The following CCDC112 variants were observed in gnomAD, a reference collection of about 807,000 sequenced individuals.
The protein encoded by CCDC112 is coiled-coil domain-containing protein 112.
In CCDC112, 40 loss-of-function variants were observed where a neutral mutation model predicts 66.3. The ratio of observed to expected loss-of-function variants is 0.60; its 90% CI spans 0.47 to 0.79. The LOEUF is 0.79. CCDC112 is among the 30% of genes least tolerant of loss of function. The probability of loss-of-function intolerance (pLI) is 0.00; values close to 1 mark genes in which losing one functional copy is unlikely to be tolerated. For missense variants in CCDC112, 659 were observed against 603.8 expected, an observed-to-expected ratio of 1.09 and a Z score of -0.96; for synonymous variants, 214 against 197.2, an observed-to-expected ratio of 1.09 and a Z score of -0.71.
chr5:115,294,030 T>C (rs922243860), intron 1 of CCDC112, among the ~76,000 whole-genome samples: 5 of 152,176 alleles, frequency 3.3e-5, no homozygotes, highest in African/African-American at 4.8e-5. Flanking sequence ...TCTTCAGTTT[T>C]GAAAGGCAAT....
chr5:115,267,641 AT>A lies in CCDC112; in HGVS notation c.*234del, dbSNP rs1437182502. The A allele has an allele frequency of 1.2e-5, 5 of 432,474 alleles. No individual in the cohort carries two copies. Among genetic ancestry groups the A allele is most frequent in the African/African-American group, 2.1e-5 (1 of 48,574 alleles). 26.8% of individuals were successfully genotyped at this position (432,474 alleles called of 1,614,324 possible). On this transcript the variant is annotated 3_prime_UTR_variant, in exon 10 of 10. Coordinates refer to ENST00000379611, the MANE Select transcript of CCDC112 (RefSeq NM_001040440.3). Reference sequence around the variant, plus strand: ...TGAATAATGTTTCTAACATTAACTTATTTAAATAACTTTTACATCAATAATA... The same window carrying A: ...TGAATAATGTTTCTAACATTAACTTATTAAATAACTTTTACATCAATAATA...
chr5:115,280,858 T>C (rs911552191), intron 2 of CCDC112, among the ~76,000 whole-genome samples: 1 of 152,052 alleles, frequency 6.6e-6, no homozygotes, highest in Non-Finnish European at 1.5e-5. Context: ...ATTTTCTTAA[T>C]GTGTTTCTTT....
At chr5:115,279,256 C>G (rs974517383) in intron 3 of CCDC112, among the ~76,000 whole-genome samples, 1 of 152,132 alleles carries the variant, frequency 6.6e-6, no homozygotes, top group Non-Finnish European at 1.5e-5. Context: ...TCTGTTGATG[C>G]TTACTGAGTC....
chr5:115,280,073 T>A (rs1749386546), intron 2 of CCDC112, among the ~76,000 whole-genome samples: 1 of 152,210 alleles, frequency 6.6e-6, no homozygotes, highest in Non-Finnish European at 1.5e-5. Context: ...TGATTCCAAC[T>A]CAATCTCACT....
chr5:115,268,331 C>T (rs566226799), intron 9 of CCDC112, among the ~76,000 whole-genome samples: 26 of 152,214 alleles, frequency 1.7e-4, no homozygotes, highest in South Asian at 1.0e-3. Context: ...CCAGGTGGCA[C>T]GATCTCGGCT....
intron 4 of CCDC112, among the ~76,000 whole-genome samples, chr5:115,276,558 A>G (rs1316547496): frequency 6.6e-6 from 1 of 152,152 alleles, no homozygotes; most frequent in Non-Finnish European, 1.5e-5. Context: ...CTCAAAGACA[A>G]TTATTTCAAA....
chr5:115,280,669 C>T (rs1353437330), intron 2 of CCDC112, among the ~76,000 whole-genome samples: 1 of 151,842 alleles, frequency 6.6e-6, no homozygotes, highest in East Asian at 1.9e-4. Flanking sequence ...CCTCCAACCT[C>T]AGTCTCCTGA....
intron 8 of CCDC112, chr5:115,269,473 A>G: frequency 2.1e-6 from 1 of 476,492 alleles, no homozygotes; most frequent in Non-Finnish European, 3.7e-6. Context: ...TAGGGGGAAC[A>G]ATAATTCAGA....
At chr5:115,290,913 T>TA (rs1378978756) in intron 1 of CCDC112, among the ~76,000 whole-genome samples, 4 of 152,132 alleles carry the variant, frequency 2.6e-5, no homozygotes, top group Non-Finnish European at 5.9e-5. Context: ...GAATTTTTAA[T>TA]ATATATTAGG....
intron 6 of CCDC112, 129 bp downstream of exon 6, chr5:115,275,087 T>C: frequency 2.8e-6 from 2 of 720,668 alleles, no homozygotes; most frequent in South Asian, 2.2e-5. Flanking sequence ...TTCTATTAGA[T>C]TGTCGGGGGC....
intron 9 of CCDC112, among the ~76,000 whole-genome samples, chr5:115,268,513 C>T (rs1361248508): frequency 1.3e-5 from 2 of 151,732 alleles, no homozygotes; most frequent in Non-Finnish European, 2.9e-5. Flanking sequence ...CTTCGTGATC[C>T]GTCCTCCTTG....
At chr5:115,274,622 C>T (rs897072319) in intron 6 of CCDC112, among the ~76,000 whole-genome samples, 4 of 152,094 alleles carry the variant, frequency 2.6e-5, no homozygotes, top group East Asian at 1.9e-4. Flanking sequence ...GAAGTGGATA[C>T]GGAGGACTGG....
rs764208831 is a variant in CCDC112 at position 115,269,728 on chromosome 5, C to CT, written c.1402dup (p.Arg468LysfsTer11). On this transcript the variant is annotated frameshift_variant, in exon 8 of 10. Coordinates refer to ENST00000379611, the MANE Select transcript of CCDC112 (RefSeq NM_001040440.3). LOFTEE classifies it high-confidence loss of function. Reference sequence around the variant, plus strand: ...CTTTTCTTTTAATTTTGCCAGTCTTCTTTGTTTTTGTGACTTTTCATCTTC... The same window carrying CT: ...CTTTTCTTTTAATTTTGCCAGTCTTCTTTTGTTTTTGTGACTTTTCATCTTC... The CT allele has an allele frequency of 1.9e-6, 3 of 1,599,436 alleles. No homozygotes were observed. The African/African-American group carries it at 4.1e-5, about 22-fold the overall frequency.
chr5:115,293,340 ATAAG>A, intron 1 of CCDC112, among the ~76,000 whole-genome samples: 1 of 152,348 alleles, frequency 6.6e-6, no homozygotes, highest in South Asian at 2.1e-4. Context: ...CCAGAAAAAA[ATAAG>A]TGAGGTGATA....
At chr5:115,288,372 A>C (rs1280292792) in intron 1 of CCDC112, among the ~76,000 whole-genome samples, 4 of 152,236 alleles carry the variant, frequency 2.6e-5, no homozygotes, top group Admixed American at 2.6e-4. Context: ...CAGTATCTTC[A>C]CATGTTGATA....
At chr5:115,292,938 A>G (rs1326792064) in intron 1 of CCDC112, among the ~76,000 whole-genome samples, 2 of 152,208 alleles carry the variant, frequency 1.3e-5, no homozygotes, top group African/African-American at 4.8e-5. Context: ...GAGGACTGAG[A>G]GCTTCTTAGG....
At chr5:115,283,626 G>C (rs2127066395) in intron 2 of CCDC112, among the ~76,000 whole-genome samples, 1 of 152,148 alleles carries the variant, frequency 6.6e-6, no homozygotes, top group South Asian at 2.1e-4. Flanking sequence ...CTCAATAAAA[G>C]TGGGGGAAAA....
At chr5:115,293,866 G>A (rs536949146) in intron 1 of CCDC112, among the ~76,000 whole-genome samples, 2 of 152,226 alleles carry the variant, frequency 1.3e-5, no homozygotes, top group East Asian at 3.9e-4. Flanking sequence ...CAAAACAGAA[G>A]ACAGAGCCTT....
chr5:115,280,670 AG>A (rs766900548), intron 2 of CCDC112, among the ~76,000 whole-genome samples: 3 of 151,354 alleles, frequency 2.0e-5, no homozygotes, highest in Admixed American at 6.6e-5. Flanking sequence ...CTCCAACCTC[AG>A]TCTCCTGAGT....
Sources: gnomAD v4.1 joint callset for allele counts (sites outside exome capture counted in the v4.1 genomes callset) on GRCh38, gnomAD v4.1.1 for gene constraint, MANE v1.5 for transcripts, NCBI Gene and HGNC (gene_info 2026-07-23, HGNC 2026-07-21) for gene names.